Variants in NRG3 observed in about 807,000 individuals in gnomAD.
The protein encoded by NRG3 is pro-neuregulin-3, membrane-bound isoform.
In NRG3, 31 loss-of-function variants were observed where a neutral mutation model predicts 66.9. That is an observed-to-expected ratio of 0.46 (90% CI 0.35 to 0.63). The LOEUF (loss-of-function observed/expected upper bound fraction) is 0.63, where lower values mean the gene tolerates loss of function less well. NRG3 is among the 20% of genes least tolerant of loss of function. The pLI is 0.00. For missense variants in NRG3, 910 were observed against 878.9 expected (o/e 1.04, Z -0.45); for synonymous variants, 393 against 359.4 (o/e 1.09, Z -1.06).
At chr10:82,675,450 C>A (rs116215852) in intron 2 of NRG3, among the ~76,000 whole-genome samples, 2 of 152,026 alleles carry the variant, frequency 1.3e-5, no homozygotes, top group East Asian at 3.9e-4. Flanking sequence ...GCAAAGAACC[C>A]GAAAAGACAT....
At chr10:82,807,583 T>G (rs1344120973) in intron 3 of NRG3, among the ~76,000 whole-genome samples, 2 of 152,162 alleles carry the variant, frequency 1.3e-5, no homozygotes, top group Non-Finnish European at 2.9e-5. Context: ...TAAAGTGTGA[T>G]CCAAGGCCAG....
intron 1 of NRG3, among the ~76,000 whole-genome samples, chr10:82,285,204 T>C (rs2079349133): frequency 6.6e-6 from 1 of 152,160 alleles, no homozygotes; most frequent in Non-Finnish European, 1.5e-5. Context: ...GATGCTAATT[T>C]TGGAGGAAGA....
rs185961746 is a variant in NRG3, at chr10:82,811,722, C to T, written c.1028-53689C>T. On this transcript the variant is annotated intron_variant, in intron 3 of 8. Coordinates refer to ENST00000372141, the MANE Select transcript of NRG3 (RefSeq NM_001010848.4). ...ATAAAACTGTGAACATTAATAGGCCCGTATTTCAACACCTGCCTGGACTGA... is the reference window on the plus strand; with the variant it reads ...ATAAAACTGTGAACATTAATAGGCCTGTATTTCAACACCTGCCTGGACTGA... Among the ~76,000 whole-genome samples the T allele has an allele frequency of 5.9e-5, 9 of 152,264 alleles. No individual in the cohort carries two copies. The East Asian group carries it at 1.2e-3, about 20-fold the overall frequency.
At position 82,818,953 on chromosome 10, in the gene NRG3, C is replaced by A. The variant is rs1418376803; in HGVS notation, c.1028-46458C>A. Among the ~76,000 whole-genome samples, 4 of 152,072 alleles carry A rather than the reference C, an allele frequency of 2.6e-5. No individual in the cohort carries two copies. In the East Asian group the frequency reaches 5.8e-4, roughly 22 times the overall value. On this transcript the variant is annotated intron_variant, in intron 3 of 8. Coordinates refer to ENST00000372141, the MANE Select transcript of NRG3 (RefSeq NM_001010848.4). The stretch of plus-strand genomic sequence containing the variant: ...GTTATTGACCTGCTGTATCCATACA[C>A]TATTTACTTTGAAAATAAAAAAGTG...
At chr10:82,905,315 C>G (rs1163516844) in intron 4 of NRG3, among the ~76,000 whole-genome samples, 2 of 152,072 alleles carry the variant, frequency 1.3e-5, no homozygotes, top group African/African-American at 4.8e-5. Flanking sequence ...ATCCAGTCCT[C>G]CATTCCATTT....
At chr10:82,728,257 G>A (rs961982477) in intron 2 of NRG3, among the ~76,000 whole-genome samples, 16 of 152,142 alleles carry the variant, frequency 1.1e-4, no homozygotes, top group African/African-American at 3.6e-4. Flanking sequence ...AGAGGTCGGG[G>A]TGGAATAATA....
chr10:82,106,544 C>T (rs1469685091), intron 1 of NRG3, among the ~76,000 whole-genome samples: 2 of 148,238 alleles, frequency 1.3e-5, no homozygotes, highest in East Asian at 4.0e-4. Flanking sequence ...CTCATTCTGT[C>T]ACCTAGGCTG....
intron 4 of NRG3, among the ~76,000 whole-genome samples, chr10:82,898,352 TAC>T (rs1216431000): frequency 6.6e-6 from 1 of 152,176 alleles, no homozygotes. Context: ...GGCAAATATG[TAC>T]CAAATAGAGC....
At chr10:82,647,669 G>C (rs930962735) in intron 2 of NRG3, among the ~76,000 whole-genome samples, 2 of 149,904 alleles carry the variant, frequency 1.3e-5, no homozygotes, top group Non-Finnish European at 3.0e-5. Flanking sequence ...AGCACCTGTT[G>C]TTTCCTGAAT....
chr10:82,066,074 T>C (rs887040469), intron 1 of NRG3, among the ~76,000 whole-genome samples: 4 of 152,180 alleles, frequency 2.6e-5, no homozygotes, highest in Non-Finnish European at 2.9e-5. Context: ...CTAAAATGTA[T>C]GTATTTTGTT....
chr10:82,548,477 A>G (rs2044079190), intron 2 of NRG3, among the ~76,000 whole-genome samples: 1 of 151,740 alleles, frequency 6.6e-6, no homozygotes, highest in Admixed American at 6.6e-5. Flanking sequence ...TAGCTTCAAC[A>G]ATAGCAATAA....
intron 1 of NRG3, among the ~76,000 whole-genome samples, chr10:81,886,756 G>T (rs927226883): frequency 6.6e-6 from 1 of 152,006 alleles, no homozygotes; most frequent in African/African-American, 2.4e-5. Context: ...ATTAAATTTT[G>T]TTGTACTAAT....
chr10:82,424,842 A>G (rs535991437), intron 2 of NRG3, among the ~76,000 whole-genome samples: 27 of 151,848 alleles, frequency 1.8e-4, no homozygotes, highest in Admixed American at 6.6e-5. Context: ...TTCCAAATTT[A>G]TTCTTTTGGA....
Position 82,664,085 on chromosome 10 carries a change from T to A in NRG3, c.954-74492T>A, listed in dbSNP as rs117127876. ...GGCTTACAGTTTGATATTTAATGTGTTCAAATCTGCTTTTCTCTTACACCT... is the reference window on the plus strand; with the variant it reads ...GGCTTACAGTTTGATATTTAATGTGATCAAATCTGCTTTTCTCTTACACCT... On this transcript the variant is annotated intron_variant, in intron 2 of 8. Transcript: ENST00000372141. 9.8e-5 allele frequency among the ~76,000 whole-genome samples: 15 copies of A among 152,344 alleles called. No individual in the cohort carries two copies. The East Asian group carries it at 2.9e-3, about 29-fold the overall frequency.
At chr10:82,343,084 G>A (rs1009859701) in intron 1 of NRG3, among the ~76,000 whole-genome samples, 1 of 152,034 alleles carries the variant, frequency 6.6e-6, no homozygotes, top group South Asian at 2.1e-4. Flanking sequence ...TCATAGGTAT[G>A]TGGCTTTATC....
intron 1 of NRG3, among the ~76,000 whole-genome samples, chr10:82,343,901 A>G (rs1564816509): frequency 1.3e-5 from 2 of 152,138 alleles, no homozygotes; most frequent in South Asian, 4.1e-4. Flanking sequence ...TTATGACCGT[A>G]CAGATTTATT....
At chr10:82,225,399 C>T (rs1262966227) in intron 1 of NRG3, 1 of 152,094 alleles carries the variant, frequency 6.6e-6, no homozygotes, top group African/African-American at 2.4e-5. Context: ...CACATAGCAC[C>T]TTGATTGGTA....
At chr10:82,176,191 A>G (rs11192840) in intron 1 of NRG3, among the ~76,000 whole-genome samples, 11,806 of 152,238 alleles carry the variant, frequency 0.078, 501 homozygotes, top group Non-Finnish European at 0.095. Context: ...TATTGGCTTT[A>G]GAAGCCATTT....
At chr10:82,131,417 C>T (rs1300805324) in intron 1 of NRG3, among the ~76,000 whole-genome samples, 1 of 151,960 alleles carries the variant, frequency 6.6e-6, no homozygotes. Flanking sequence ...TTTTATGTAT[C>T]CATGCTGTTT....
Sources: allele counts gnomAD v4.1 joint callset (sites outside exome capture counted in the v4.1 genomes callset), GRCh38; gene constraint gnomAD v4.1.1; transcripts MANE v1.5; gene names NCBI Gene and HGNC (gene_info 2026-07-23, HGNC 2026-07-21).